ADAM18: variants seen among roughly 807,000 people sequenced by gnomAD.
The protein encoded by ADAM18 is ADAM metallopeptidase domain 18.
ADAM18 carries 117 observed loss-of-function variants against 94.4 expected under a neutral mutation model. That is an observed-to-expected ratio of 1.24 (90% confidence interval 1.07 to 1.45). ADAM18 has a LOEUF of 1.45. ADAM18 is among the 40% of genes most tolerant of loss of function. ADAM18 has a pLI of 0.00. For synonymous variants in ADAM18, 327 were observed against 291.6 expected, an observed-to-expected ratio of 1.12 and a Z score of -1.24; for missense variants, 936 against 880.0, an observed-to-expected ratio of 1.06 and a Z score of -0.81.
At chr8:39,588,028 T>G (rs1244979369) in intron 2 of ADAM18, among the ~76,000 whole-genome samples, 1 of 152,238 alleles carries the variant, frequency 6.6e-6, no homozygotes, top group Non-Finnish European at 1.5e-5. Context: ...ATTTCATGGC[T>G]TTAATTTTTT....
At position 39,652,737 on chromosome 8, in the gene ADAM18, A is replaced by G. The variant is rs971295849; in HGVS notation, c.1230+4210A>G. 2.6e-5 allele frequency among the ~76,000 whole-genome samples: 4 copies of G among 152,226 alleles called. No homozygotes were observed. In the South Asian group the frequency reaches 8.3e-4, roughly 31 times the overall value. ...ATGTTGAAGAGATGTCTGCACTTTC[A>G]TTTTAATTTCAGCCTTGTGTACAAT... is the stretch of plus-strand genomic sequence containing the variant. On this transcript the variant is annotated intron_variant, in intron 12 of 19. Transcript: ENST00000265707.
chr8:39,620,598 AT>A (rs1819587647), intron 6 of ADAM18, among the ~76,000 whole-genome samples: 1 of 147,172 alleles, frequency 6.8e-6, no homozygotes, highest in Non-Finnish European at 1.5e-5. Flanking sequence ...TAATATATAT[AT>A]TATATAACAA....
intron 10 of ADAM18, among the ~76,000 whole-genome samples, chr8:39,644,242 C>T (rs1820316375): frequency 6.6e-6 from 1 of 151,772 alleles, no homozygotes. Context: ...ACTTTGAGTC[C>T]ACACTGTTAG....
At chr8:39,694,018 A>G (rs1020967183) in intron 17 of ADAM18, among the ~76,000 whole-genome samples, 14 of 151,250 alleles carry the variant, frequency 9.3e-5, no homozygotes, top group African/African-American at 3.1e-4. Flanking sequence ...TATTAATGAT[A>G]TACTTTTCAT....
At chr8:39,648,151 T>C (rs1002214866) in intron 11 of ADAM18, among the ~76,000 whole-genome samples, 193 bp from the exon 12 acceptor site, 1 of 152,090 alleles carries the variant, frequency 6.6e-6, no homozygotes, top group African/African-American at 2.4e-5. Flanking sequence ...AGAAAATAGG[T>C]TTTTAATGCA....
intron 17 of ADAM18, among the ~76,000 whole-genome samples, chr8:39,694,343 A>G (rs1359890861): frequency 3.3e-5 from 5 of 151,478 alleles, no homozygotes; most frequent in Non-Finnish European, 5.9e-5. Flanking sequence ...ACTTTACTCT[A>G]TGATTTTCCC....
At chr8:39,610,821 T>C in intron 6 of ADAM18, 115 bp downstream of exon 6, 1 of 1,317,718 alleles carries the variant, frequency 7.6e-7, no homozygotes, top group Non-Finnish European at 9.8e-7. Flanking sequence ...ATTTTATGTA[T>C]TTTTCTACCT....
rs1823029095 is a variant in ADAM18 at position 39,730,028 on chromosome 8, G to T, written c.*88G>T. ...ACGTTATCCCCAATGCATTGTAAAT[G>T]TCAAACTTTTGGAAAATAAAGCCTG... On this transcript the variant is annotated 3_prime_UTR_variant, in exon 20 of 20. Transcript: ENST00000265707. 1 of 1,394,136 alleles carries T rather than the reference G, an allele frequency of 7.2e-7. No homozygotes were observed. Among genetic ancestry groups the T allele is most frequent in the Non-Finnish European group, 1.0e-6 (1 of 986,598 alleles). 86.4% of individuals were successfully genotyped at this position (1,394,136 alleles called of 1,614,324 possible).
chr8:39,609,407 G>A (rs1432422080), intron 4 of ADAM18, 78 bp from the exon 5 acceptor site: 15 of 918,930 alleles, frequency 1.6e-5, no homozygotes, highest in South Asian at 8.0e-5. Flanking sequence ...TTAATATTTT[G>A]AATCTTCTGA....
intron 16 of ADAM18, among the ~76,000 whole-genome samples, chr8:39,688,350 C>T (rs748096089): frequency 1.4e-4 from 22 of 152,040 alleles, no homozygotes; most frequent in Non-Finnish European, 2.6e-4. Context: ...GCCTAGTACC[C>T]ATTAGTTCTT....
intron 7 of ADAM18, among the ~76,000 whole-genome samples, chr8:39,634,702 G>A (rs904392188): frequency 3.9e-5 from 6 of 152,000 alleles, no homozygotes; most frequent in African/African-American, 1.4e-4. Flanking sequence ...ATTGTATCTT[G>A]GAATCATATA....
intron 7 of ADAM18, among the ~76,000 whole-genome samples, chr8:39,632,970 G>C (rs1484026359): frequency 2.0e-5 from 3 of 152,108 alleles, no homozygotes; most frequent in Non-Finnish European, 4.4e-5. Flanking sequence ...TAAGGCATGA[G>C]GCAATTCTGT....
At chr8:39,711,089 T>C (rs981354326) in intron 18 of ADAM18, among the ~76,000 whole-genome samples, 1 of 152,192 alleles carries the variant, frequency 6.6e-6, no homozygotes, top group Non-Finnish European at 1.5e-5. Flanking sequence ...GTACTTATTA[T>C]TAGTATTAAA....
chr8:39,684,690 G>A (rs868764704), intron 16 of ADAM18, among the ~76,000 whole-genome samples: 1 of 152,140 alleles, frequency 6.6e-6, no homozygotes, highest in Non-Finnish European at 1.5e-5. Context: ...ACTGGGCATT[G>A]CCCTAGTATG....
At position 39,680,093 on chromosome 8, in the gene ADAM18, G is replaced by A. The variant is rs776082502; in HGVS notation, c.1688G>A (p.Ser563Asn). 1.2e-6 allele frequency: 2 copies of A among 1,613,812 alleles called. No individual in the cohort carries two copies. The highest frequency in any genetic ancestry group is 8.5e-7 in the Non-Finnish European group (1 of 1,179,870). Reference sequence around the variant, plus strand: ...CAGCCACATAAAAATGCTAATAAAAGTGACGCTCAATCTACAGTTTATTCA... The same window carrying A: ...CAGCCACATAAAAATGCTAATAAAAATGACGCTCAATCTACAGTTTATTCA... ...CVQPHKNANK[S>N]DAQSTVYSYI... Residue 563 changes from serine to asparagine, a missense_variant, in exon 16 of 20, where the codon AGT becomes AAT. Transcript: ENST00000265707.
At chr8:39,598,407 A>G (rs1818803067) in intron 2 of ADAM18, among the ~76,000 whole-genome samples, 1 of 152,012 alleles carries the variant, frequency 6.6e-6, no homozygotes, top group Non-Finnish European at 1.5e-5. Context: ...GTTCTTTATT[A>G]AGGTTAGAAC....
chr8:39,595,458 A>G (rs963453651), intron 2 of ADAM18, among the ~76,000 whole-genome samples: 1 of 151,990 alleles, frequency 6.6e-6, no homozygotes, highest in Admixed American at 6.6e-5. Context: ...AACTGTTTTT[A>G]TTTTTTATTT....
chr8:39,710,288 G>A (rs1822359353), intron 18 of ADAM18, among the ~76,000 whole-genome samples: 1 of 152,122 alleles, frequency 6.6e-6, no homozygotes, highest in South Asian at 2.1e-4. Context: ...AAACAATTCT[G>A]ACATTTGAGA....
chr8:39,603,817 A>G (rs915180637), intron 2 of ADAM18, among the ~76,000 whole-genome samples: 2 of 152,156 alleles, frequency 1.3e-5, no homozygotes, highest in Admixed American at 6.5e-5. Context: ...TTAAATTCTT[A>G]TTAGTTGATA....
Sources: allele counts gnomAD v4.1 joint callset (sites outside exome capture counted in the v4.1 genomes callset), GRCh38; gene constraint gnomAD v4.1.1; transcripts MANE v1.5; gene names NCBI Gene and HGNC (gene_info 2026-07-23, HGNC 2026-07-21).